CELF2: variants seen among roughly 807,000 people sequenced by gnomAD.
CELF2 encodes the protein CUG triplet repeat RNA-binding protein 2.
In CELF2, 8 loss-of-function variants were observed where a neutral mutation model predicts 62.6. That is an observed-to-expected ratio of 0.13 (90% CI 0.07 to 0.23). The LOEUF is 0.23. CELF2 is among the 10% of genes least tolerant of loss of function. The pLI, the probability that CELF2 is intolerant of heterozygous loss-of-function variation, is 1.00. For synonymous variants in CELF2, 258 were observed against 250.0 expected (o/e 1.03, Z -0.30); for missense variants, 333 against 671.0 (o/e 0.50, Z 5.56).
Position 11,333,490 on chromosome 10 carries a change from T to C in CELF2, c.*4437T>C, listed in dbSNP as rs751727309. ...CACCATAGGGGTTATAGTTGGCTTG[T>C]GCTACTCTGGAATCATTTTACTGTT... On this transcript the variant is annotated 3_prime_UTR_variant, in exon 13 of 13. Transcript: ENST00000633077. The C allele has an allele frequency of 2.0e-4, 30 of 152,470 alleles. No individual in the cohort carries two copies. The highest frequency in any genetic ancestry group is 4.4e-4 in the Non-Finnish European group (30 of 68,032). The allele number at this position is 152,470 out of a possible 1,614,324, so 9.4% of individuals were successfully genotyped here.
the CELF2 span, among the ~76,000 whole-genome samples, chr10:10,668,416 C>T: frequency 2.0e-5 from 3 of 152,198 alleles, no homozygotes; most frequent in Non-Finnish European, 4.4e-5. Context: ...TTCATGGACC[C>T]AGTTAGCTTA....
chr10:10,670,636 C>T, the CELF2 span, among the ~76,000 whole-genome samples: 1 of 152,126 alleles, frequency 6.6e-6, no homozygotes, highest in Non-Finnish European at 1.5e-5. Context: ...TAAGGGCTCA[C>T]TCTTGGTATT....
the CELF2 span, among the ~76,000 whole-genome samples, chr10:10,692,273 C>T: frequency 6.6e-6 from 1 of 151,172 alleles, no homozygotes; most frequent in East Asian, 1.9e-4. Context: ...GGAATCCTTT[C>T]CCCATTGCTT....
At chr10:11,325,209 C>T (rs1053012559) in intron 11 of CELF2, among the ~76,000 whole-genome samples, 1 of 152,178 alleles carries the variant, frequency 6.6e-6, no homozygotes, top group Non-Finnish European at 1.5e-5. Flanking sequence ...ATCTCCAAGG[C>T]TAACGCCCAG....
the CELF2 span, among the ~76,000 whole-genome samples, chr10:10,560,456 G>C: frequency 6.6e-6 from 1 of 152,094 alleles, no homozygotes; most frequent in African/African-American, 2.4e-5. Flanking sequence ...CTTTCTACCT[G>C]GCAGGATGAG....
the CELF2 span, among the ~76,000 whole-genome samples, chr10:10,712,147 CAAAAAAA>C: frequency 6.2e-4 from 27 of 43,422 alleles, no homozygotes; most frequent in Admixed American, 1.3e-3. Context: ...AGGATAGAGA[CAAAAAAA>C]AAAAAAAAAA....
chr10:10,645,991 T>C, the CELF2 span, among the ~76,000 whole-genome samples: 1 of 152,206 alleles, frequency 6.6e-6, no homozygotes, highest in Non-Finnish European at 1.5e-5. Context: ...ATGAAGAGTA[T>C]TAACCTTTCC....
intron 1 of CELF2, among the ~76,000 whole-genome samples, chr10:10,885,875 T>A (rs1229005424): frequency 6.6e-6 from 1 of 152,174 alleles, no homozygotes; most frequent in East Asian, 1.9e-4. Flanking sequence ...TCTCCTCCTA[T>A]GACCCTCATT....
chr10:10,847,536 C>G (rs949265939), intron 1 of CELF2, among the ~76,000 whole-genome samples: 3 of 152,074 alleles, frequency 2.0e-5, no homozygotes, highest in African/African-American at 7.2e-5. Flanking sequence ...GAGGCAAGCA[C>G]GATGTATAAC....
At chr10:10,501,394 C>G in the CELF2 span, among the ~76,000 whole-genome samples, 9 of 152,238 alleles carry the variant, frequency 5.9e-5, 1 homozygote, top group Middle Eastern at 3.4e-3. Context: ...TATTTGACTT[C>G]CGCGTATCCT....
At position 11,018,177 on chromosome 10, in the gene CELF2, C is replaced by T. The variant is rs1480714985; in HGVS notation, c.74+14C>T. On this transcript the variant is annotated intron_variant, in intron 1 of 12. Coordinates refer to ENST00000633077, the MANE Select transcript of CELF2 (RefSeq NM_001326342.2). ...TCCTGACAGAATGTGAGTGGCGCCG[C>T]GTCCCGAGGCCGGGCGAGCGGGCGT... is the stretch of plus-strand genomic sequence containing the variant. 1 of 1,515,106 alleles carries T rather than the reference C, an allele frequency of 6.6e-7. No individual in the cohort carries two copies. The highest frequency in any genetic ancestry group is 8.9e-7 in the Non-Finnish European group (1 of 1,127,892). 93.9% of individuals were successfully genotyped at this position (1,515,106 alleles called of 1,614,324 possible).
intron 2 of CELF2, among the ~76,000 whole-genome samples, chr10:10,988,544 G>A: frequency 6.6e-6 from 1 of 152,006 alleles, no homozygotes. Context: ...AGGGATAACA[G>A]ACTACATATT....
the CELF2 span, among the ~76,000 whole-genome samples, chr10:10,588,822 C>T: frequency 6.6e-6 from 1 of 152,196 alleles, no homozygotes; most frequent in Admixed American, 6.5e-5. Context: ...AAACAGACTC[C>T]TCTATCCTAT....
the CELF2 span, among the ~76,000 whole-genome samples, chr10:10,475,205 T>C: frequency 1.2e-4 from 19 of 152,160 alleles, no homozygotes; most frequent in African/African-American, 4.6e-4. Flanking sequence ...ACGTCTCTGA[T>C]TCTGGGAGGG....
chr10:10,707,348 T>G, the CELF2 span, among the ~76,000 whole-genome samples: 1 of 152,340 alleles, frequency 6.6e-6, no homozygotes, highest in South Asian at 2.1e-4. Flanking sequence ...GAGGAACTTT[T>G]TATTATGTCA....
intron 9 of CELF2, among the ~76,000 whole-genome samples, chr10:11,289,423 C>T (rs966773799): frequency 2.0e-5 from 3 of 152,212 alleles, no homozygotes; most frequent in African/African-American, 7.2e-5. Flanking sequence ...TCGAAAACTA[C>T]AGCCCACTCC....
the CELF2 span, among the ~76,000 whole-genome samples, chr10:10,665,831 A>C: frequency 6.6e-6 from 1 of 152,226 alleles, no homozygotes; most frequent in Admixed American, 6.5e-5. Flanking sequence ...ATTTGGTAGA[A>C]GAAGGGCATA....
intron 1 of CELF2, among the ~76,000 whole-genome samples, chr10:11,037,583 T>C (rs1195634945): frequency 6.6e-6 from 1 of 152,196 alleles, no homozygotes; most frequent in Admixed American, 6.5e-5. Context: ...ACGTGCTGAA[T>C]GCTCAAGCTG....
chr10:11,088,512 A>AT (rs1281227296), intron 1 of CELF2, among the ~76,000 whole-genome samples: 2 of 151,956 alleles, frequency 1.3e-5, no homozygotes, highest in Non-Finnish European at 2.9e-5. Context: ...GTTTAAGAAG[A>AT]TGAATTCAGT....
Sources: allele counts gnomAD v4.1 joint callset (sites outside exome capture counted in the v4.1 genomes callset), GRCh38; gene constraint gnomAD v4.1.1; transcripts MANE v1.5; gene names NCBI Gene and HGNC (gene_info 2026-07-23, HGNC 2026-07-21).